Variants in GMFG observed in about 807,000 individuals in gnomAD.
GMFG encodes the protein glia maturation factor gamma.
GMFG carries 21 observed loss-of-function variants against 26.1 expected under a neutral mutation model. The ratio of observed to expected loss-of-function variants is 0.80; its 90% CI spans 0.57 to 1.16. The LOEUF is 1.16. Ranked by LOEUF, GMFG falls within the 50% of genes most tolerant of loss-of-function variation. The probability of loss-of-function intolerance (pLI) is 0.00; values close to 1 mark genes in which losing one functional copy is unlikely to be tolerated. For synonymous variants in GMFG, 65 were observed against 60.8 expected, an observed-to-expected ratio of 1.07 and a Z score of -0.32; for missense variants, 161 against 178.3, an observed-to-expected ratio of 0.90 and a Z score of 0.55.
rs574963732 is a variant in GMFG, at chr19:39,329,849, C to T, written c.201-223G>A. 3.3e-5 allele frequency among the ~76,000 whole-genome samples: 5 copies of T among 152,188 alleles called. No individual in the cohort carries two copies. In the South Asian group the frequency reaches 6.2e-4, roughly 19 times the overall value. ...ATCCCAGCACTTTGGGAGGCCGAGG[C>T]GGGTGGATCACCTGAGATCAGGAGT... On this transcript the variant is annotated intron_variant, in intron 4 of 6. Transcript: ENST00000597595.
chr19:39,328,886 A>AAG, intron 6 of GMFG, 114 bp downstream of exon 6: 7 of 813,318 alleles, frequency 8.6e-6, no homozygotes, highest in Non-Finnish European at 1.3e-5. Context: ...CTTTAAAAAA[A>AAG]CAAAAACAAA....
intron 4 of GMFG, among the ~76,000 whole-genome samples, chr19:39,330,585 T>C (rs2075222346): frequency 6.7e-6 from 1 of 149,912 alleles, no homozygotes; most frequent in South Asian, 2.1e-4. Context: ...CACACCACCA[T>C]GCCCAGCTAA....
intron 4 of GMFG, 145 bp from the exon 5 acceptor site, chr19:39,329,771 C>T: frequency 1.5e-6 from 1 of 654,138 alleles, no homozygotes; most frequent in Non-Finnish European, 2.8e-6. Flanking sequence ...ACCTCAAACA[C>T]AACAAATGAT....
At chr19:39,332,497 C>T (rs251904) in intron 4 of GMFG, among the ~76,000 whole-genome samples, 10,785 of 142,414 alleles carry the variant, frequency 0.076, 1,372 homozygotes, top group African/African-American at 0.27. Flanking sequence ...ATGATGCCAG[C>T]GTAATGTTGA....
intron 4 of GMFG, among the ~76,000 whole-genome samples, chr19:39,332,408 T>G (rs1016326237): frequency 2.0e-5 from 3 of 151,118 alleles, no homozygotes; most frequent in Non-Finnish European, 4.4e-5. Context: ...CCTCAGGTGA[T>G]CCTCCCGCCT....
At chr19:39,335,766 G>T (rs1311119986) in intron 1 of GMFG, among the ~76,000 whole-genome samples, 2 of 152,110 alleles carry the variant, frequency 1.3e-5, no homozygotes, top group Non-Finnish European at 2.9e-5. Flanking sequence ...ACTCTTGGGG[G>T]ACACTCAAGG....
In GMFG at chr19:39,329,027, C is replaced by A. The variant is rs753426420; in HGVS notation, c.330G>T (p.Arg110Ser). Residue 110 changes from arginine to serine, a missense_variant, in exon 6 of 7, where the codon AGG becomes AGT. By Grantham distance (110) the Arg-to-Ser change is moderately radical. Transcript: ENST00000597595. ...QQMMYAGSKNRLVQTAELTKV... is the reference protein window; with the variant it reads ...QQMMYAGSKNSLVQTAELTKV... ...TTGTGAGCTCTGCTGTCTGCACCAG[C>A]CTGTTTTTACTCCCTGCATACATCA... 1 of 1,613,768 alleles carries A rather than the reference C, an allele frequency of 6.2e-7. No individual in the cohort carries two copies. The highest frequency in any genetic ancestry group is 2.2e-5 in the East Asian group (1 of 44,888).
In GMFG at chr19:39,329,085, AGAG is replaced by A. The variant is rs1426301907; in HGVS notation, c.284-15_284-13del. On this transcript the variant is annotated splice_polypyrimidine_tract_variant and intron_variant, in intron 5 of 6. Transcript: ENST00000597595. ...TTCCGGCTTGCAGCCTGCGTGGAAA[AGAG>A]GAGAAAGGCACATCAGTGGGGACCC... 2 of 1,602,576 alleles carry A rather than the reference AGAG, an allele frequency of 1.2e-6. No individual in the cohort carries two copies. Among genetic ancestry groups the A allele is most frequent in the Non-Finnish European group, 1.7e-6 (2 of 1,169,500 alleles).
intron 6 of GMFG, 41 bp from the exon 7 acceptor site, chr19:39,328,589 A>G: frequency 6.8e-7 from 1 of 1,466,288 alleles, no homozygotes; most frequent in Non-Finnish European, 9.6e-7. Flanking sequence ...CTACTCAAAC[A>G]CTGAGACAGT....
intron 4 of GMFG, among the ~76,000 whole-genome samples, chr19:39,330,215 G>A (rs965202661): frequency 6.6e-6 from 1 of 152,166 alleles, no homozygotes; most frequent in Non-Finnish European, 1.5e-5. Flanking sequence ...ATAGGGGAGA[G>A]ATTTGAACCT....
intron 4 of GMFG, among the ~76,000 whole-genome samples, chr19:39,330,488 G>A (rs2075221980): frequency 6.6e-6 from 1 of 151,414 alleles, no homozygotes. Context: ...GAGTGCAATG[G>A]TGCGATCCTA....
chr19:39,328,998 A>T lies in GMFG; in HGVS notation c.357+2T>A. ...ACTCTGGAGCCCCATCCCAGTCTGA[A>T]CCTTTGTGAGCTCTGCTGTCTGCAC... On this transcript the variant is annotated splice_donor_variant, in intron 6 of 6. Transcript: ENST00000597595. LOFTEE classifies it high-confidence loss of function. 1 of 1,608,118 alleles carries T rather than the reference A, an allele frequency of 6.2e-7. No individual in the cohort carries two copies. Among genetic ancestry groups the T allele is most frequent in the Non-Finnish European group, 8.5e-7 (1 of 1,174,594 alleles).
At chr19:39,334,182 A>C (rs1178235126) in intron 3 of GMFG, among the ~76,000 whole-genome samples, 1 of 151,774 alleles carries the variant, frequency 6.6e-6, no homozygotes, top group African/African-American at 2.4e-5. Flanking sequence ...ACACCCAGCT[A>C]ATTTTTTGAA....
At chr19:39,331,715 C>T (rs1409350663) in intron 4 of GMFG, among the ~76,000 whole-genome samples, 1 of 152,114 alleles carries the variant, frequency 6.6e-6, no homozygotes, top group Non-Finnish European at 1.5e-5. Context: ...TTAGAGGCTA[C>T]AGTGAGCCAG....
intron 4 of GMFG, among the ~76,000 whole-genome samples, chr19:39,331,780 A>AT (rs1385912744): frequency 6.6e-6 from 1 of 152,092 alleles, no homozygotes; most frequent in Non-Finnish European, 1.5e-5. Context: ...GTCTCTAAAA[A>AT]TTTTTTTAAT....
intron 4 of GMFG, among the ~76,000 whole-genome samples, chr19:39,332,298 C>G (rs1381844533): frequency 1.3e-5 from 2 of 150,912 alleles, no homozygotes; most frequent in African/African-American, 2.4e-5. Flanking sequence ...CCACTGCACT[C>G]CAACCTGGGC....
rs2075218427 is a variant in GMFG, at chr19:39,329,619, C to G, written c.208G>C (p.Val70Leu). ...TCATGCACGTACTTGTAGCTGTAAA[C>G]CACGAACCTACCGTGAAAGGGAATT... ...ELPERQPRFV[V>L]YSYKYVHDDG... Residue 70 changes from valine (V) to leucine (L), a missense_variant, in exon 5 of 7, where the codon GTT becomes CTT. Physicochemically the swap from Val to Leu is conservative, Grantham distance 32 (BLOSUM62 1). Coordinates refer to ENST00000597595, the MANE Select transcript of GMFG (RefSeq NM_004877.4). The G allele has an allele frequency of 6.2e-7, 1 of 1,603,432 alleles. No homozygotes were observed. Among genetic ancestry groups the G allele is most frequent in the African/African-American group, 1.3e-5 (1 of 74,768 alleles).
rs1429551242 is a variant in GMFG at position 39,328,473 on chromosome 19, G to C, written c.*4C>G. On this transcript the variant is annotated 3_prime_UTR_variant, in exon 7 of 7. Coordinates refer to ENST00000597595, the MANE Select transcript of GMFG (RefSeq NM_004877.4). ...CATCAGGAATTCAGTCCCCAGCCCA[G>C]AGATCAACGAAAGAAAGACAACTTT... 6.2e-7 allele frequency: 1 copy of C among 1,604,344 alleles called. No individual in the cohort carries two copies. Among genetic ancestry groups the C allele is most frequent in the Non-Finnish European group, 8.5e-7 (1 of 1,171,090 alleles).
chr19:39,328,876 C>CT, intron 6 of GMFG, 124 bp downstream of exon 6: 1 of 763,682 alleles, frequency 1.3e-6, no homozygotes. Flanking sequence ...AGACCCAGTT[C>CT]TTTAAAAAAA....
Sources: gnomAD v4.1 joint callset for allele counts (sites outside exome capture counted in the v4.1 genomes callset) on GRCh38, gnomAD v4.1.1 for gene constraint, MANE v1.5 for transcripts, NCBI Gene and HGNC (gene_info 2026-07-23, HGNC 2026-07-21) for gene names.